Variants in SLIT2 observed in about 807,000 individuals in gnomAD.
SLIT2 encodes the protein slit guidance ligand 2, also known as slit homolog 2 protein.
In SLIT2, 41 loss-of-function variants were observed where a neutral mutation model predicts 185.7. That is an observed-to-expected ratio of 0.22 (90% confidence interval 0.17 to 0.29). SLIT2 has a LOEUF of 0.29. SLIT2 is among the 10% of genes least tolerant of loss of function. The pLI, the probability that SLIT2 is intolerant of heterozygous loss-of-function variation, is 1.00. For missense variants in SLIT2, 1,571 were observed against 1,909.0 expected (o/e 0.82, Z 3.30); for synonymous variants, 693 against 680.2 (o/e 1.02, Z -0.29).
chr4:20,604,997 A>C (rs968571244), intron 33 of SLIT2, among the ~76,000 whole-genome samples: 1 of 151,898 alleles, frequency 6.6e-6, no homozygotes. Context: ...TACCATGCCC[A>C]GCTAATTTTT....
In SLIT2 at chr4:20,388,835, ATATATATAAAATATGTAT is replaced by A. The variant is rs1376259949; in HGVS notation, c.396-78902_396-78885del. On this transcript the variant is annotated intron_variant, in intron 4 of 36. Coordinates refer to ENST00000504154, the MANE Select transcript of SLIT2 (RefSeq NM_004787.4). The stretch of plus-strand genomic sequence containing the variant: ...ATATGTAAAATATATATAATATATA[ATATATATAAAATATGTAT>A]TATATATAAAATATAATATATAATA... 2.1e-5 allele frequency among the ~76,000 whole-genome samples: 3 copies of A among 145,930 alleles called. No individual in the cohort carries two copies. In the East Asian group the frequency reaches 5.8e-4, roughly 28 times the overall value.
At chr4:20,394,176 A>G (rs951470540) in intron 4 of SLIT2, among the ~76,000 whole-genome samples, 1 of 151,928 alleles carries the variant, frequency 6.6e-6, no homozygotes, top group South Asian at 2.1e-4. Flanking sequence ...AAAATCAGGC[A>G]GGTAAAAGGG....
chr4:20,389,468 T>G (rs77241395), intron 4 of SLIT2, among the ~76,000 whole-genome samples: 5,347 of 152,078 alleles, frequency 0.035, 334 homozygotes, highest in African/African-American at 0.12. Context: ...ACACAACGTG[T>G]GGCAGAGTTC....
intron 4 of SLIT2, among the ~76,000 whole-genome samples, chr4:20,402,952 A>T (rs1726475609): frequency 6.6e-6 from 1 of 151,732 alleles, no homozygotes; most frequent in South Asian, 2.1e-4. Flanking sequence ...AAATTCTCAA[A>T]TTTCTCGAGA....
intron 4 of SLIT2, among the ~76,000 whole-genome samples, chr4:20,283,400 G>C (rs1314064379): frequency 6.6e-6 from 1 of 152,102 alleles, no homozygotes; most frequent in East Asian, 1.9e-4. Context: ...GGTGGACTTT[G>C]AAGTCATTGC....
chr4:20,390,835 G>GT (rs1331127696), intron 4 of SLIT2, among the ~76,000 whole-genome samples: 17 of 150,794 alleles, frequency 1.1e-4, no homozygotes, highest in African/African-American at 3.9e-4. Context: ...CAGACCTTTG[G>GT]TTTTTTACTT....
At chr4:20,260,397 A>G (rs1173007959) in intron 3 of SLIT2, among the ~76,000 whole-genome samples, 2 of 151,882 alleles carry the variant, frequency 1.3e-5, no homozygotes, top group East Asian at 3.8e-4. Context: ...AATTAGGTTT[A>G]TGTTGTAAAT....
rs779175934 is a variant in SLIT2 at position 20,467,799 on chromosome 4, G to A, written c.443G>A (p.Arg148His). ...CAGGCAATCCCAAGGAAAGCTTTCC[G>A]TGGGGCAGTTGACATAAAAAATTTG... The part of the protein sequence containing the change: ...QIQAIPRKAF[R>H]GAVDIKNLQL... Residue 148 changes from arginine to histidine, a missense_variant, in exon 5 of 37, where the codon CGT becomes CAT. Around this residue, in one of 3 missense-constraint regions of SLIT2, gnomAD observed 1,202 missense variants for 1,416.4 expected, o/e 0.85. Coordinates refer to ENST00000504154, the MANE Select transcript of SLIT2 (RefSeq NM_004787.4). The A allele has an allele frequency of 8.2e-6, 13 of 1,591,310 alleles. No homozygotes were observed. The highest frequency in any genetic ancestry group is 3.4e-5 in the Admixed American group (2 of 58,880).
intron 18 of SLIT2, among the ~76,000 whole-genome samples, chr4:20,534,363 G>T (rs1041697367): frequency 6.6e-6 from 1 of 152,096 alleles, no homozygotes; most frequent in African/African-American, 2.4e-5. Flanking sequence ...CAGGGGTAGG[G>T]TGTTTGGGGG....
Position 20,464,838 on chromosome 4 carries a change from T to G in SLIT2, c.396-2914T>G, listed in dbSNP as rs1053799738. Reference sequence around the variant, plus strand: ...CTTTCTTGCTTTTTTTGACTGTCAGTATTTTTTTTAATTCACTTTATTCAT... The same window carrying G: ...CTTTCTTGCTTTTTTTGACTGTCAGGATTTTTTTTAATTCACTTTATTCAT... On this transcript the variant is annotated intron_variant, in intron 4 of 36. Coordinates refer to ENST00000504154, the MANE Select transcript of SLIT2 (RefSeq NM_004787.4). Among the ~76,000 whole-genome samples the G allele has an allele frequency of 5.9e-5, 9 of 152,170 alleles. No individual in the cohort carries two copies. The South Asian group carries it at 1.9e-3, about 32-fold the overall frequency.
intron 4 of SLIT2, among the ~76,000 whole-genome samples, chr4:20,431,597 T>G (rs1728984402): frequency 6.6e-6 from 1 of 152,110 alleles, no homozygotes; most frequent in Non-Finnish European, 1.5e-5. Flanking sequence ...TAAAGTTCCC[T>G]CAGTAATAGA....
intron 4 of SLIT2, among the ~76,000 whole-genome samples, chr4:20,282,894 A>T (rs1442745250): frequency 1.3e-5 from 2 of 151,896 alleles, no homozygotes; most frequent in Admixed American, 6.6e-5. Context: ...GACATATATT[A>T]TTTTTTTTGT....
At chr4:20,273,693 A>G (rs1379761194) in intron 4 of SLIT2, among the ~76,000 whole-genome samples, 1 of 152,200 alleles carries the variant, frequency 6.6e-6, no homozygotes, top group African/African-American at 2.4e-5. Flanking sequence ...TTAATTTAAT[A>G]AAATGTTTTA....
At chr4:20,616,409 C>T (rs765981704) in intron 34 of SLIT2, 1 of 152,526 alleles carries the variant, frequency 6.6e-6, no homozygotes, top group Non-Finnish European at 1.5e-5. Flanking sequence ...CACTGGGTCA[C>T]CTTGAGCATG....
At chr4:20,503,769 A>T (rs1335701145) in intron 9 of SLIT2, among the ~76,000 whole-genome samples, 1 of 152,170 alleles carries the variant, frequency 6.6e-6, no homozygotes, top group Non-Finnish European at 1.5e-5. Context: ...TTGAATTTAC[A>T]CTCGGGAATG....
rs1368160818 is a variant in SLIT2 at position 20,617,502 on chromosome 4, C to T, written c.4200C>T (p.Gly1400=). The change falls in exon 36 of 37, where the codon GGC becomes GGT. Residue 1400 remains glycine, a synonymous_variant. Transcript: ENST00000504154. ...AFSYSCKCLE[G]HGGVLCDEEE... ...CCTACAGCTGTAAGTGCTTGGAGGG[C>T]CATGGAGGTGTCCTCTGTGATGAAG... 6.2e-7 allele frequency: 1 copy of T among 1,614,052 alleles called. No individual in the cohort carries two copies. Among genetic ancestry groups the T allele is most frequent in the Non-Finnish European group, 8.5e-7 (1 of 1,179,968 alleles).
chr4:20,600,786 G>T (rs1410303760), intron 33 of SLIT2, among the ~76,000 whole-genome samples: 1 of 151,728 alleles, frequency 6.6e-6, no homozygotes. Flanking sequence ...ATTGCCTTTT[G>T]GCTTATGACC....
rs1189681952 is a variant in SLIT2, at chr4:20,510,444, T to C, written c.915-51T>C. On this transcript the variant is annotated intron_variant, in intron 9 of 36. Coordinates refer to ENST00000504154, the MANE Select transcript of SLIT2 (RefSeq NM_004787.4). ...ATGAATCCTGAGCTTGAATTAAACA[T>C]GTCCGAAGGTTCACATTTCCATTTA... 3.6e-6 allele frequency: 4 copies of C among 1,116,200 alleles called. No individual in the cohort carries two copies. In the African/African-American group the frequency reaches 4.6e-5, roughly 13 times the overall value. The allele number at this position is 1,116,200 out of a possible 1,614,324, so 69.1% of individuals were successfully genotyped here.
chr4:20,564,979 C>G (rs548510288), intron 26 of SLIT2, among the ~76,000 whole-genome samples: 2 of 151,946 alleles, frequency 1.3e-5, no homozygotes, highest in Admixed American at 1.3e-4. Flanking sequence ...ATCCCCACTA[C>G]GTGGTAAAAT....
Sources: allele counts gnomAD v4.1 joint callset (sites outside exome capture counted in the v4.1 genomes callset), GRCh38; gene constraint gnomAD v4.1.1; regional missense constraint gnomAD v4.1.1; transcripts MANE v1.5; gene names NCBI Gene and HGNC (gene_info 2026-07-23, HGNC 2026-07-21).